The following ZFYVE1 variants were observed in gnomAD, a reference collection of about 807,000 sequenced individuals.
The protein encoded by ZFYVE1 is zinc finger FYVE domain-containing protein 1.
ZFYVE1 carries 30 observed loss-of-function variants against 74.4 expected under a neutral mutation model. The observed-to-expected ratio is 0.40, with a 90% CI of 0.30 to 0.55. ZFYVE1 has a LOEUF of 0.55. ZFYVE1 is among the 20% of genes least tolerant of loss of function. ZFYVE1 has a pLI of 0.42. For missense variants in ZFYVE1, 703 were observed against 1,011.6 expected, an observed-to-expected ratio of 0.69 and a Z score of 4.14; for synonymous variants, 335 against 385.1, an observed-to-expected ratio of 0.87 and a Z score of 1.52.
intron 11 of ZFYVE1, 95 bp downstream of exon 11, chr14:72,973,985 C>A: frequency 9.8e-7 from 1 of 1,024,518 alleles, no homozygotes; most frequent in South Asian, 1.3e-5. Context: ...CCATCTCAAT[C>A]TAGGTTGGCA....
At chr14:72,979,712 A>G (rs1893274579) in intron 5 of ZFYVE1, among the ~76,000 whole-genome samples, 1 of 152,024 alleles carries the variant, frequency 6.6e-6, no homozygotes, top group Non-Finnish European at 1.5e-5. Flanking sequence ...CTGTCCCCTC[A>G]GCAGAAATGG....
Position 72,971,176 on chromosome 14 carries a change from G to C in ZFYVE1, c.2102-62C>G, listed in dbSNP as rs1173652799. On this transcript the variant is annotated intron_variant, in intron 11 of 11. Coordinates refer to ENST00000556143, the MANE Select transcript of ZFYVE1 (RefSeq NM_021260.4). ...CAATACCCCGAGGCCCAACTAGCAA[G>C]AGGCCATCCTCGGATGCTTACTGGC... 13 of 1,559,966 alleles carry C rather than the reference G, an allele frequency of 8.3e-6. No homozygotes were observed. In the East Asian group the frequency reaches 2.7e-4, roughly 32 times the overall value.
intron 2 of ZFYVE1, among the ~76,000 whole-genome samples, chr14:73,009,188 C>T (rs1894038993): frequency 6.6e-6 from 1 of 152,200 alleles, no homozygotes; most frequent in Non-Finnish European, 1.5e-5. Flanking sequence ...AAGGTTCAAC[C>T]AACCTCACTC....
chr14:72,993,231 G>A lies in ZFYVE1; in HGVS notation c.1115C>T (p.Ser372Phe). 6.2e-7 allele frequency: 1 copy of A among 1,613,854 alleles called. No individual in the cohort carries two copies. Among genetic ancestry groups the A allele is most frequent in the Non-Finnish European group, 8.5e-7 (1 of 1,179,986 alleles). The change falls in exon 4 of 12, where the codon TCT becomes TTT. Residue 372 changes from serine (S) to phenylalanine (F), a missense_variant. Physicochemically the swap from Ser to Phe is radical, Grantham distance 155 (BLOSUM62 -2). Transcript: ENST00000556143. ...TRTYNPPTDFSGLRRALEQLL... is the reference protein window; with the variant it reads ...TRTYNPPTDFFGLRRALEQLL... ...CTGCTCCAAAGCACGCCGAAGCCCA[G>A]AAAAGTCCGTGGGAGGGTTGTAAGT...
At chr14:72,973,945 G>T in intron 11 of ZFYVE1, 135 bp downstream of exon 11, 1 of 685,698 alleles carries the variant, frequency 1.5e-6, no homozygotes, top group Non-Finnish European at 2.5e-6. Flanking sequence ...AAGCAAATGT[G>T]TGGCATTGTG....
rs769978420 is a variant in ZFYVE1 at position 72,998,053 on chromosome 14, C to T, written c.746G>A (p.Arg249Lys). Residue 249 changes from arginine (R) to lysine (K), a missense_variant, in exon 3 of 12, where the codon AGA becomes AAA. Physicochemically the swap from Arg to Lys is conservative, Grantham distance 26 (BLOSUM62 2). This residue lies in a region of ZFYVE1 where 492 missense variants were observed against 790.0 expected (regional missense o/e 0.62). Coordinates refer to ENST00000556143, the MANE Select transcript of ZFYVE1 (RefSeq NM_021260.4). ...LLGATVNLSQ[R>K]TRLLLKVLAI... is the part of the protein sequence containing the mutation. ...CAGGACCTTAAGCAGCAGCCGTGTT[C>T]TCTGGCTTAGATTCACGGTGGCCCC... 2.5e-6 allele frequency: 4 copies of T among 1,613,922 alleles called. No homozygotes were observed. Among genetic ancestry groups the T allele is most frequent in the African/African-American group, 2.7e-5 (2 of 74,858 alleles).
intron 2 of ZFYVE1, among the ~76,000 whole-genome samples, chr14:73,017,676 A>G (rs2333021): frequency 0.49 from 74,574 of 151,818 alleles, 18,859 homozygotes; most frequent in African/African-American, 0.59. Flanking sequence ...CTTTACCTAC[A>G]AACTTTGTCC....
chr14:72,979,459 C>A (rs914552589), intron 5 of ZFYVE1, among the ~76,000 whole-genome samples: 1 of 151,860 alleles, frequency 6.6e-6, no homozygotes, highest in Non-Finnish European at 1.5e-5. Context: ...CAAGACCAGC[C>A]TGACCAACAT....
At chr14:73,013,133 G>C (rs12878577) in intron 2 of ZFYVE1, among the ~76,000 whole-genome samples, 22,211 of 152,076 alleles carry the variant, frequency 0.15, 1,877 homozygotes, top group South Asian at 0.24. Flanking sequence ...ATCAGGAAGG[G>C]ACCGAAAATT....
chr14:73,023,479 G>T (rs1176962633), intron 2 of ZFYVE1, among the ~76,000 whole-genome samples: 3 of 139,740 alleles, frequency 2.1e-5, no homozygotes, highest in African/African-American at 8.2e-5. Context: ...TATATATGAA[G>T]AGACCATCTG....
rs771853222 is a variant in ZFYVE1 at position 73,024,088 on chromosome 14, T to C, written c.421A>G (p.Arg141Gly). The C allele has an allele frequency of 5.6e-6, 9 of 1,614,120 alleles. No individual in the cohort carries two copies. The highest frequency in any genetic ancestry group is 1.1e-5 in the South Asian group (1 of 91,090). Residue 141 changes from arginine (R) to glycine (G), a missense_variant, in exon 2 of 12, where the codon AGG (arginine) becomes GGG (glycine). Coordinates refer to ENST00000556143, the MANE Select transcript of ZFYVE1 (RefSeq NM_021260.4). ...EAEEMDEETK[R>G]KKMTEKVVSF... Reference sequence around the variant, plus strand: ...ACAACCTTCTCAGTCATCTTCTTCCTCTTGGTCTCCTCATCCATCTCTTCT... The same window carrying C: ...ACAACCTTCTCAGTCATCTTCTTCCCCTTGGTCTCCTCATCCATCTCTTCT...
chr14:72,976,478 A>G (rs1037923183), intron 8 of ZFYVE1, among the ~76,000 whole-genome samples: 1 of 152,164 alleles, frequency 6.6e-6, no homozygotes, highest in Non-Finnish European at 1.5e-5. Context: ...AAAATTAGAA[A>G]AAGGAGGAGA....
At chr14:72,984,232 A>G (rs1447620979) in intron 4 of ZFYVE1, among the ~76,000 whole-genome samples, 2 of 152,200 alleles carry the variant, frequency 1.3e-5, no homozygotes, top group African/African-American at 4.8e-5. Context: ...GTACTTTGAT[A>G]AAGAGTTAAA....
intron 3 of ZFYVE1, among the ~76,000 whole-genome samples, chr14:72,995,722 T>C (rs1311873566): frequency 6.6e-6 from 1 of 152,150 alleles, no homozygotes; most frequent in African/African-American, 2.4e-5. Flanking sequence ...GCTCCTTCAC[T>C]GGGGAACATT....
chr14:72,976,732 G>A (rs1230318304), intron 8 of ZFYVE1, among the ~76,000 whole-genome samples: 4 of 146,760 alleles, frequency 2.7e-5, no homozygotes, highest in Non-Finnish European at 4.5e-5. Context: ...GCAGTTAGCC[G>A]AGATCACACC....
rs756859824 is a variant in ZFYVE1, at chr14:72,978,883, T to C, written c.1397A>G (p.Asp466Gly). ...KSRCRYSHQY[D>G]NRVYTCKACY... ...CACCTTGCAGGTATACACTCGGTTG[T>C]CATACTGGTGGGAGTATCTGCAGCG... is the stretch of plus-strand genomic sequence containing the variant. The change falls in exon 6 of 12, where the codon GAC becomes GGC. Residue 466 changes from aspartate to glycine, a missense_variant. Coordinates refer to ENST00000556143, the MANE Select transcript of ZFYVE1 (RefSeq NM_021260.4). 6.2e-7 allele frequency: 1 copy of C among 1,614,114 alleles called. No homozygotes were observed. The highest frequency in any genetic ancestry group is 1.1e-5 in the South Asian group (1 of 91,080).
At chr14:72,985,706 C>T (rs1002977321) in intron 4 of ZFYVE1, among the ~76,000 whole-genome samples, 1 of 149,978 alleles carries the variant, frequency 6.7e-6, no homozygotes, top group Admixed American at 6.7e-5. Context: ...ATAGAAGCCA[C>T]TACAGAAGGT....
At chr14:73,022,685 CAAAAG>C (rs1028689155) in intron 2 of ZFYVE1, among the ~76,000 whole-genome samples, 11 of 152,118 alleles carry the variant, frequency 7.2e-5, no homozygotes, top group East Asian at 5.8e-4. Flanking sequence ...AAAGCCCACT[CAAAAG>C]AAAAGTATAG....
At chr14:73,019,447 T>C (rs1594866938) in intron 2 of ZFYVE1, among the ~76,000 whole-genome samples, 1 of 151,146 alleles carries the variant, frequency 6.6e-6, no homozygotes, top group Non-Finnish European at 1.5e-5. Context: ...AAATTGAAAA[T>C]GCTCAAAACC....
Sources: gnomAD v4.1 joint callset for allele counts (sites outside exome capture counted in the v4.1 genomes callset) on GRCh38, gnomAD v4.1.1 for gene constraint, gnomAD v4.1.1 regional missense constraint, MANE v1.5 for transcripts, NCBI Gene and HGNC (gene_info 2026-07-23, HGNC 2026-07-21) for gene names.